OXR1: variants seen among roughly 807,000 people sequenced by gnomAD.
OXR1 encodes the protein oxidation resistance protein 1.
A neutral mutation model predicts 104.6 loss-of-function variants in OXR1; 41 were observed. The ratio of observed to expected loss-of-function variants is 0.39; its 90% CI spans 0.31 to 0.51. OXR1 has a LOEUF of 0.51. Among genes scored for constraint, OXR1 ranks in the 20% least tolerant of loss-of-function variants. The pLI, the probability that OXR1 is intolerant of heterozygous loss-of-function variation, is 0.77. For synonymous variants in OXR1, 348 were observed against 348.4 expected, an observed-to-expected ratio of 1.00 and a Z score of 0.01; for missense variants, 955 against 1,031.9, an observed-to-expected ratio of 0.93 and a Z score of 1.02.
At chr8:106,465,078 T>TA (rs1821103625) in intron 2 of OXR1, among the ~76,000 whole-genome samples, 1 of 151,486 alleles carries the variant, frequency 6.6e-6, no homozygotes, top group Admixed American at 6.6e-5. Context: ...AGGAGAAAAA[T>TA]AAAAAATGGA....
intron 3 of OXR1, among the ~76,000 whole-genome samples, chr8:106,622,624 C>G (rs566122338): frequency 5.3e-5 from 8 of 152,244 alleles, no homozygotes; most frequent in African/African-American, 1.9e-4. Context: ...AGGCTCTCCT[C>G]CTAGAGATCC....
chr8:106,276,508 A>G (rs1812042601), intron 1 of OXR1, among the ~76,000 whole-genome samples: 1 of 152,204 alleles, frequency 6.6e-6, no homozygotes, highest in Non-Finnish European at 1.5e-5. Flanking sequence ...GCTTAACTTT[A>G]TGGAACTTTT....
chr8:106,462,424 A>G (rs1820961653), intron 2 of OXR1, among the ~76,000 whole-genome samples: 1 of 152,126 alleles, frequency 6.6e-6, no homozygotes, highest in Non-Finnish European at 1.5e-5. Context: ...TTACCCATTC[A>G]TATACTCTAC....
intron 2 of OXR1, among the ~76,000 whole-genome samples, chr8:106,459,259 T>C (rs1287546157): frequency 6.6e-6 from 1 of 151,972 alleles, no homozygotes; most frequent in African/African-American, 2.4e-5. Flanking sequence ...AGTGGGCTAG[T>C]TATTGCGTTA....
At chr8:106,467,122 C>T (rs948995479) in intron 2 of OXR1, among the ~76,000 whole-genome samples, 2 of 151,892 alleles carry the variant, frequency 1.3e-5, no homozygotes, top group African/African-American at 4.8e-5. Flanking sequence ...AAACTACCTT[C>T]CAGAGTATTT....
At chr8:106,298,927 G>GTT (rs979811351) in intron 1 of OXR1, among the ~76,000 whole-genome samples, 1 of 151,558 alleles carries the variant, frequency 6.6e-6, no homozygotes, top group Non-Finnish European at 1.5e-5. Context: ...ATATATATGT[G>GTT]TGTGTGTGTG....
At chr8:106,729,747 A>T (rs918790167) in intron 11 of OXR1, 14 of 152,112 alleles carry the variant, frequency 9.2e-5, no homozygotes, top group Admixed American at 7.2e-4. Flanking sequence ...TTTTTCATTT[A>T]AAGAAATTTA....
At chr8:106,316,097 G>GC (rs1813923760) in intron 1 of OXR1, among the ~76,000 whole-genome samples, 13 of 152,314 alleles carry the variant, frequency 8.5e-5, no homozygotes, top group African/African-American at 2.9e-4. Flanking sequence ...GTGCATTCAT[G>GC]ATGTGCATTC....
At chr8:106,722,702 G>A (rs1832923163) in intron 11 of OXR1, among the ~76,000 whole-genome samples, 1 of 152,126 alleles carries the variant, frequency 6.6e-6, no homozygotes. Flanking sequence ...GTATAACCTG[G>A]TTATATGGTA....
At chr8:106,356,120 A>G (rs1250119514) in intron 1 of OXR1, among the ~76,000 whole-genome samples, 1 of 152,162 alleles carries the variant, frequency 6.6e-6, no homozygotes, top group Non-Finnish European at 1.5e-5. Context: ...TTGTTTACTA[A>G]TTGGCACTTA....
At chr8:106,649,853 C>T (rs1968806) in intron 3 of OXR1, among the ~76,000 whole-genome samples, 31,269 of 151,894 alleles carry the variant, frequency 0.21, 3,456 homozygotes, top group East Asian at 0.38. Context: ...CCCACCGCCA[C>T]GCCCAGCTAA....
At chr8:106,306,883 T>C (rs1813485152) in intron 1 of OXR1, among the ~76,000 whole-genome samples, 1 of 151,910 alleles carries the variant, frequency 6.6e-6, no homozygotes, top group Non-Finnish European at 1.5e-5. Context: ...TTTATGTAGA[T>C]TTTCAAAATA....
At chr8:106,705,643 A>G (rs540113844) in intron 8 of OXR1, among the ~76,000 whole-genome samples, 1 of 152,286 alleles carries the variant, frequency 6.6e-6, no homozygotes, top group South Asian at 2.1e-4. Context: ...CTTACATTTC[A>G]TGGTATAGAG....
At chr8:106,385,143 A>G (rs1817323369) in intron 2 of OXR1, among the ~76,000 whole-genome samples, 1 of 152,208 alleles carries the variant, frequency 6.6e-6, no homozygotes, top group African/African-American at 2.4e-5. Context: ...TCAGAACTCA[A>G]AGTGAACATC....
At chr8:106,309,777 A>G (rs926992742) in intron 1 of OXR1, among the ~76,000 whole-genome samples, 1 of 150,676 alleles carries the variant, frequency 6.6e-6, no homozygotes, top group South Asian at 2.1e-4. Flanking sequence ...AAATATATAT[A>G]CACATATATA....
Position 106,519,880 on chromosome 8 carries a change from G to A in OXR1, c.220+741G>A, listed in dbSNP as rs1813134893. Among the ~76,000 whole-genome samples the A allele has an allele frequency of 2.0e-5, 3 of 152,136 alleles. 1 individual carries two copies. In the South Asian group the frequency reaches 6.2e-4, roughly 32 times the overall value. On this transcript the variant is annotated intron_variant, in intron 3 of 16. Coordinates refer to ENST00000517566, the MANE Select transcript of OXR1 (RefSeq NM_001198533.2). Reference sequence around the variant, plus strand: ...TTACCAACTTTAGTGTACCATATTAGCCCAGCATGTCTTTGGCCTTGCTTT... The same window carrying A: ...TTACCAACTTTAGTGTACCATATTAACCCAGCATGTCTTTGGCCTTGCTTT...
chr8:106,289,244 G>A (rs572398063), intron 1 of OXR1, among the ~76,000 whole-genome samples: 25 of 152,218 alleles, frequency 1.6e-4, no homozygotes, highest in Non-Finnish European at 1.5e-5. Context: ...ATCTCTCTTC[G>A]CTTCTATACC....
At chr8:106,378,565 G>A (rs1222353328) in intron 2 of OXR1, among the ~76,000 whole-genome samples, 1 of 152,148 alleles carries the variant, frequency 6.6e-6, no homozygotes, top group Non-Finnish European at 1.5e-5. Flanking sequence ...GTTGGAGTGC[G>A]ATGGCACGAT....
chr8:106,488,805 C>T (rs1475428304), intron 2 of OXR1, among the ~76,000 whole-genome samples: 1 of 149,560 alleles, frequency 6.7e-6, no homozygotes, highest in Non-Finnish European at 1.5e-5. Context: ...GTACCAGTAC[C>T]ATGCTGTTTT....
Sources: allele counts gnomAD v4.1 joint callset (sites outside exome capture counted in the v4.1 genomes callset), GRCh38; gene constraint gnomAD v4.1.1; transcripts MANE v1.5; gene names NCBI Gene and HGNC (gene_info 2026-07-23, HGNC 2026-07-21).